The following NAV3 variants were observed in gnomAD, a reference collection of about 807,000 sequenced individuals.
The protein encoded by NAV3 is neuron navigator 3.
NAV3 carries 87 observed loss-of-function variants against 244.7 expected under a neutral mutation model. The ratio of observed to expected loss-of-function variants is 0.36; its 90% CI spans 0.30 to 0.42. The LOEUF is 0.42. Ranked by LOEUF, NAV3 falls within the 20% of genes least tolerant of loss-of-function variation. The pLI is 1.00. For missense variants in NAV3, 2,663 were observed against 2,893.3 expected (o/e 0.92, Z 1.83); for synonymous variants, 1,126 against 1,042.2 (o/e 1.08, Z -1.55).
At chr12:77,693,792 G>T (rs983382626) in intron 2 of NAV3, among the ~76,000 whole-genome samples, 1 of 152,018 alleles carries the variant, frequency 6.6e-6, no homozygotes, top group Non-Finnish European at 1.5e-5. Context: ...CTTCTCTCAA[G>T]TCATCGTGCT....
At chr12:77,749,541 A>G (rs1268859819) in intron 2 of NAV3, among the ~76,000 whole-genome samples, 1 of 152,174 alleles carries the variant, frequency 6.6e-6, no homozygotes, top group Non-Finnish European at 1.5e-5. Context: ...ATGTTTTAAA[A>G]TCTATTTAGA....
intron 2 of NAV3, among the ~76,000 whole-genome samples, chr12:77,634,003 A>T (rs1371427306): frequency 6.6e-6 from 1 of 152,300 alleles, no homozygotes; most frequent in Admixed American, 6.5e-5. Context: ...ACCTTCTCTC[A>T]TTAAATTTAT....
intron 8 of NAV3, among the ~76,000 whole-genome samples, chr12:78,009,377 G>A (rs751057207): frequency 6.8e-6 from 1 of 147,414 alleles, no homozygotes; most frequent in Non-Finnish European, 1.5e-5. Flanking sequence ...GAACCCAGGA[G>A]GTGGCAGAGG....
chr12:77,939,398 G>A (rs377295915), intron 1 of NAV3, among the ~76,000 whole-genome samples: 4 of 151,978 alleles, frequency 2.6e-5, no homozygotes, highest in Non-Finnish European at 5.9e-5. Flanking sequence ...TTTAACAAGC[G>A]TATTTCTTAC....
At chr12:78,092,485 T>TA (rs1400861719) in intron 12 of NAV3, among the ~76,000 whole-genome samples, 1 of 147,912 alleles carries the variant, frequency 6.8e-6, no homozygotes, top group African/African-American at 2.5e-5. Flanking sequence ...AAGCGTTAGT[T>TA]ATTTTCTTTT....
intron 2 of NAV3, among the ~76,000 whole-genome samples, chr12:77,574,591 G>A (rs1403252801): frequency 6.6e-6 from 1 of 152,028 alleles, no homozygotes; most frequent in East Asian, 1.9e-4. Flanking sequence ...TTCATTGAGA[G>A]GTGAAGCATT....
chr12:77,622,147 G>A (rs73425538), intron 2 of NAV3, among the ~76,000 whole-genome samples: 4,452 of 151,806 alleles, frequency 0.029, 241 homozygotes, highest in African/African-American at 0.1. Context: ...ATACCAAGCT[G>A]TCTGTTTTTC....
At chr12:77,629,242 A>G (rs1288801378) in intron 2 of NAV3, among the ~76,000 whole-genome samples, 7 of 152,248 alleles carry the variant, frequency 4.6e-5, no homozygotes, top group Non-Finnish European at 1.5e-5. Flanking sequence ...TGGCTTGGAC[A>G]TAAGTATTCA....
chr12:77,786,687 A>G (rs1337240172), intron 2 of NAV3, among the ~76,000 whole-genome samples: 1 of 152,110 alleles, frequency 6.6e-6, no homozygotes, highest in African/African-American at 2.4e-5. Context: ...TGACGGAAGG[A>G]TTATGTGGAA....
At chr12:77,999,986 A>G (rs1872969354) in intron 7 of NAV3, among the ~76,000 whole-genome samples, 1 of 152,260 alleles carries the variant, frequency 6.6e-6, no homozygotes, top group Non-Finnish European at 1.5e-5. Context: ...GCAAGAAATT[A>G]CTAGCAATGT....
At position 77,877,736 on chromosome 12, in the gene NAV3, A is replaced by G. The variant is rs189301491; in HGVS notation, c.243+46032A>G. 3.8e-3 allele frequency among the ~76,000 whole-genome samples: 586 copies of G among 152,242 alleles called. 1 individual carries two copies. The highest frequency in any genetic ancestry group is 0.014 in the Middle Eastern group (4 of 294). On this transcript the variant is annotated intron_variant, in intron 1 of 39. Transcript: ENST00000397909. ...ACTCCCTACTCCTTAAGTGTGGGCT[A>G]TACATAGAGACTGTCTTCCGAAGCG...
At position 77,964,971 on chromosome 12, in the gene NAV3, T is replaced by A. The variant is rs145922367; in HGVS notation, c.415-1258T>A. Among the ~76,000 whole-genome samples, 802 of 152,308 alleles carry A rather than the reference T, an allele frequency of 5.3e-3. 7 individuals are homozygous for A. Among genetic ancestry groups the A allele is most frequent in the Admixed American group, 8.1e-3 (124 of 15,294 alleles). On this transcript the variant is annotated intron_variant, in intron 3 of 39. Transcript: ENST00000397909. ...CTTGAATCTATTTTTTTCTTTTCATTTTCTTTAAGAGACATTTTGACCTTG... is the reference window on the plus strand; with the variant it reads ...CTTGAATCTATTTTTTTCTTTTCATATTCTTTAAGAGACATTTTGACCTTG...
At chr12:77,958,727 T>A (rs1891598308) in intron 3 of NAV3, among the ~76,000 whole-genome samples, 1 of 152,172 alleles carries the variant, frequency 6.6e-6, no homozygotes, top group African/African-American at 2.4e-5. Flanking sequence ...TTTATAGTTA[T>A]CAAGCCATGC....
At chr12:78,071,903 A>G (rs1021867231) in intron 12 of NAV3, among the ~76,000 whole-genome samples, 2 of 152,186 alleles carry the variant, frequency 1.3e-5, no homozygotes, top group African/African-American at 2.4e-5. Flanking sequence ...GCTCAACTAC[A>G]TGGAAACTGA....
chr12:77,961,650 T>C (rs1892018162), intron 3 of NAV3, among the ~76,000 whole-genome samples: 1 of 140,748 alleles, frequency 7.1e-6, no homozygotes, highest in Non-Finnish European at 1.5e-5. Flanking sequence ...CAATATATTA[T>C]TACATTATAT....
chr12:77,910,316 A>G (rs949292014), intron 1 of NAV3, among the ~76,000 whole-genome samples: 2 of 151,876 alleles, frequency 1.3e-5, no homozygotes, highest in Non-Finnish European at 2.9e-5. Context: ...AGCAAGAGAG[A>G]GAGGGGAGGA....
At chr12:77,788,319 T>A (rs555475826) in intron 2 of NAV3, among the ~76,000 whole-genome samples, 1 of 152,356 alleles carries the variant, frequency 6.6e-6, no homozygotes, top group East Asian at 1.9e-4. Context: ...CAGGTTTAAA[T>A]GCGGCATTTA....
chr12:77,594,186 T>G (rs1870061338), intron 2 of NAV3, among the ~76,000 whole-genome samples: 1 of 152,122 alleles, frequency 6.6e-6, no homozygotes, highest in South Asian at 2.1e-4. Context: ...TGTAGGCACT[T>G]TATTTAATTA....
chr12:78,046,463 G>A (rs1186076542), intron 9 of NAV3, among the ~76,000 whole-genome samples: 3 of 152,076 alleles, frequency 2.0e-5, no homozygotes, highest in Admixed American at 1.3e-4. Context: ...ATAACTTATT[G>A]ATTTCTGCCT....
Sources: gnomAD v4.1 joint callset for allele counts (sites outside exome capture counted in the v4.1 genomes callset) on GRCh38, gnomAD v4.1.1 for gene constraint, MANE v1.5 for transcripts, NCBI Gene and HGNC (gene_info 2026-07-23, HGNC 2026-07-21) for gene names.